The following SHISA9 variants were observed in gnomAD, a reference collection of about 807,000 sequenced individuals.
The protein encoded by SHISA9 is shisa family member 9, also known as protein shisa-9.
In SHISA9, 13 loss-of-function variants were observed where a neutral mutation model predicts 38.0. The ratio of observed to expected loss-of-function variants is 0.34; its 90% CI spans 0.22 to 0.54. The LOEUF (loss-of-function observed/expected upper bound fraction) is 0.54, where lower values mean the gene tolerates loss of function less well. Among genes scored for constraint, SHISA9 ranks in the 20% least tolerant of loss-of-function variants. SHISA9 has a pLI of 0.91. For missense variants in SHISA9, 538 were observed against 575.8 expected (o/e 0.93, Z 0.67); for synonymous variants, 275 against 242.0 (o/e 1.14, Z -1.27).
chr16:13,105,595 G>C (rs751672277), intron 2 of SHISA9, among the ~76,000 whole-genome samples: 1 of 152,234 alleles, frequency 6.6e-6, no homozygotes, highest in African/African-American at 2.4e-5. Context: ...GTCTTGGCCC[G>C]TGCCAGCAGG....
the SHISA9 span, among the ~76,000 whole-genome samples, chr16:13,460,760 T>C: frequency 6.6e-6 from 1 of 152,236 alleles, no homozygotes; most frequent in Non-Finnish European, 1.5e-5. Context: ...TCTGCCTTCC[T>C]TCTCTCTGGT....
chr16:13,213,165 C>A, intron 3 of SHISA9, 88 bp from the exon 4 acceptor site: 1 of 1,195,694 alleles, frequency 8.4e-7, no homozygotes, highest in Non-Finnish European at 1.2e-6. Flanking sequence ...GCAGCAGGGG[C>A]AGCCAACAGC....
the SHISA9 span, among the ~76,000 whole-genome samples, chr16:13,462,448 G>A: frequency 6.6e-6 from 1 of 152,160 alleles, no homozygotes; most frequent in African/African-American, 2.4e-5. Context: ...ATTAGGTGAG[G>A]CCTAGATTTC....
At chr16:13,263,778 G>A in the SHISA9 span, among the ~76,000 whole-genome samples, 1 of 152,110 alleles carries the variant, frequency 6.6e-6, no homozygotes, top group African/African-American at 2.4e-5. Context: ...GTGTAGTATA[G>A]TTATGTAAGA....
rs543299378 is a variant in SHISA9, at chr16:12,901,932, C to T, written c.-133C>T. 3.4e-6 allele frequency: 2 copies of T among 591,906 alleles called. No individual in the cohort carries two copies. The highest frequency in any genetic ancestry group is 4.8e-6 in the Non-Finnish European group (2 of 417,278). 36.7% of individuals were successfully genotyped at this position (591,906 alleles called of 1,614,324 possible). A position where few individuals can be genotyped will look rare whatever the true frequency, so the allele number is the denominator to read the frequency against. ...CCGCCGACCACCGAGCGCCCCGCGC[C>T]GCTCCCTGCATGTGCGGCCCGCGGC... On this transcript the variant is annotated 5_prime_UTR_variant, in exon 1 of 5. Transcript: ENST00000558583.
downstream of SHISA9, among the ~76,000 whole-genome samples, chr16:13,242,111 A>G (rs1054270979): frequency 3.9e-5 from 6 of 152,358 alleles, no homozygotes; most frequent in East Asian, 3.9e-4. Context: ...GGTGGGTACT[A>G]TTATGCTTTG....
At chr16:13,065,216 C>T (rs1204923707) in intron 2 of SHISA9, among the ~76,000 whole-genome samples, 1 of 152,168 alleles carries the variant, frequency 6.6e-6, no homozygotes, top group Non-Finnish European at 1.5e-5. Context: ...GCAATGATCT[C>T]ACTTTATTGC....
At chr16:13,127,269 G>A (rs1280149020) in intron 2 of SHISA9, among the ~76,000 whole-genome samples, 4 of 137,758 alleles carry the variant, frequency 2.9e-5, no homozygotes, top group African/African-American at 8.3e-5. Context: ...GGTGGGAGAG[G>A]GAGGGAGGGA....
At position 12,932,731 on chromosome 16, in the gene SHISA9, C is replaced by T. The variant is rs577510555; in HGVS notation, c.691+15916C>T. Among the ~76,000 whole-genome samples the T allele has an allele frequency of 2.6e-5, 4 of 152,316 alleles. No homozygotes were observed. The South Asian group carries it at 8.3e-4, about 32-fold the overall frequency. On this transcript the variant is annotated intron_variant, in intron 2 of 4. Coordinates refer to ENST00000558583, the MANE Select transcript of SHISA9 (RefSeq NM_001145204.3). ...GGTTATAATACAGTTTGGTCTGACT[C>T]TGAAGCCTGGGCTGTTTCTTCCATC...
At chr16:13,165,735 C>T (rs1055360123) in intron 2 of SHISA9, among the ~76,000 whole-genome samples, 16 of 152,324 alleles carry the variant, frequency 1.1e-4, no homozygotes, top group East Asian at 9.6e-4. Context: ...CACAGTATCA[C>T]GTGCTGATCA....
intron 1 of SHISA9, among the ~76,000 whole-genome samples, chr16:12,904,046 C>A (rs1055946484): frequency 3.9e-5 from 6 of 151,908 alleles, no homozygotes; most frequent in Admixed American, 1.3e-4. Flanking sequence ...TCTTGCTGCA[C>A]AGAAGTAAGC....
chr16:13,261,666 AC>A, the SHISA9 span, among the ~76,000 whole-genome samples: 1 of 152,186 alleles, frequency 6.6e-6, no homozygotes, highest in South Asian at 2.1e-4. Context: ...AAATTTTATA[AC>A]TTCAGGTAGG....
chr16:13,447,470 G>A, the SHISA9 span, among the ~76,000 whole-genome samples: 5 of 152,206 alleles, frequency 3.3e-5, no homozygotes, highest in Non-Finnish European at 7.3e-5. Context: ...GAAAGGTGGA[G>A]CAGCTTACCC....
the SHISA9 span, among the ~76,000 whole-genome samples, chr16:13,558,956 G>T: frequency 6.6e-6 from 1 of 152,090 alleles, no homozygotes; most frequent in East Asian, 1.9e-4. Flanking sequence ...ATAAATTTTA[G>T]CAAGTAAGCA....
intron 2 of SHISA9, among the ~76,000 whole-genome samples, chr16:12,962,866 G>T (rs967620672): frequency 2.4e-4 from 36 of 152,192 alleles, no homozygotes; most frequent in Non-Finnish European, 2.9e-5. Flanking sequence ...CTGACCAGGG[G>T]TAGCTGTGTG....
At chr16:13,055,158 A>G (rs1433624360) in intron 2 of SHISA9, among the ~76,000 whole-genome samples, 3 of 152,224 alleles carry the variant, frequency 2.0e-5, no homozygotes, top group Non-Finnish European at 4.4e-5. Context: ...ATTATTTTAT[A>G]TAATCCACAG....
chr16:13,466,267 G>A, the SHISA9 span, among the ~76,000 whole-genome samples: 1 of 152,226 alleles, frequency 6.6e-6, no homozygotes. Context: ...GCTAAGAAGA[G>A]AGTGATGGTG....
the SHISA9 span, among the ~76,000 whole-genome samples, chr16:13,346,820 A>G: frequency 1.3e-5 from 2 of 152,162 alleles, no homozygotes; most frequent in African/African-American, 4.8e-5. Flanking sequence ...GTAGCCTTCC[A>G]TGTTTTATAA....
At chr16:13,168,276 T>C (rs1380205704) in intron 2 of SHISA9, among the ~76,000 whole-genome samples, 2 of 152,242 alleles carry the variant, frequency 1.3e-5, no homozygotes, top group African/African-American at 4.8e-5. Flanking sequence ...CCAGGCTATG[T>C]AGCAGCGATG....
Sources: allele counts gnomAD v4.1 joint callset (sites outside exome capture counted in the v4.1 genomes callset), GRCh38; gene constraint gnomAD v4.1.1; transcripts MANE v1.5; gene names NCBI Gene and HGNC (gene_info 2026-07-23, HGNC 2026-07-21).